Variants in DLGAP4 observed in about 807,000 individuals in gnomAD.
DLGAP4 encodes the protein disks large-associated protein 4.
Under a neutral mutation model 86.9 loss-of-function variants are expected in DLGAP4, and 18 were observed. The ratio of observed to expected loss-of-function variants is 0.21; its 90% CI spans 0.14 to 0.31. The LOEUF (loss-of-function observed/expected upper bound fraction) is 0.31. DLGAP4 is among the 10% of genes least tolerant of loss of function. The probability of loss-of-function intolerance (pLI) is 1.00; values close to 1 mark genes in which losing one functional copy is unlikely to be tolerated. For synonymous variants in DLGAP4, 548 were observed against 574.3 expected, an observed-to-expected ratio of 0.95 and a Z score of 0.65; for missense variants, 1,085 against 1,362.6, an observed-to-expected ratio of 0.80 and a Z score of 3.21.
rs2065002116 is a variant in DLGAP4 at position 36,306,350 on chromosome 20, T to A, written c.-466T>A. 1 of 149,318 alleles carries A rather than the reference T, an allele frequency of 6.7e-6. No homozygotes were observed. The highest frequency in any genetic ancestry group is 2.0e-4 in the South Asian group (1 of 4,922). The allele number at this position is 149,318 out of a possible 1,614,324, so 9.2% of individuals were successfully genotyped here. On this transcript the variant is annotated 5_prime_UTR_variant, in exon 1 of 13. Coordinates refer to ENST00000339266, the MANE Select transcript of DLGAP4 (RefSeq NM_001365621.2). This position sits in a 1 kb window ranked among gnomAD's most constrained non-coding sequence, Gnocchi z 4.9. ...CGGCTCCTCCTCCCGCAGCCGCATC[T>A]GGGGCGCCGCGCCGGCCGGAGGAGA...
chr20:36,310,399 GCATCCACT>G (rs1600389117), intron 1 of DLGAP4, among the ~76,000 whole-genome samples: 1 of 152,048 alleles, frequency 6.6e-6, no homozygotes, highest in Non-Finnish European at 1.5e-5. Context: ...GTCATGGTCG[GCATCCACT>G]CTTCTAGGAG....
chr20:36,470,075 C>T (rs2034592340), intron 7 of DLGAP4, among the ~76,000 whole-genome samples: 1 of 152,142 alleles, frequency 6.6e-6, no homozygotes, highest in African/African-American at 2.4e-5. Flanking sequence ...CCTTCCTTTC[C>T]CATGAGTAGG....
In DLGAP4 at chr20:36,431,871, C is replaced by G. The variant is rs757317529; in HGVS notation, c.154C>G (p.Leu52Val). The G allele has an allele frequency of 1.9e-6, 3 of 1,614,020 alleles. No homozygotes were observed. The highest frequency in any genetic ancestry group is 2.7e-5 in the African/African-American group (2 of 74,940). Residue 52 changes from leucine to valine, a missense_variant, in exon 3 of 13, where the codon CTG becomes GTG. Physicochemically the swap from Leu to Val is conservative, Grantham distance 32. Around this residue, in one of 2 missense-constraint regions of DLGAP4, gnomAD observed 1,082 missense variants for 1,344.1 expected, o/e 0.81. Transcript: ENST00000339266. The surrounding 1 kb of genome is among the most constrained non-coding windows in gnomAD (Gnocchi z 5.1). ...REARFPGQNT[L>V]PGDGLFPLNN... ...GGCCCGCTTCCCCGGGCAGAACACC[C>G]TGCCAGGAGATGGCCTCTTTCCCCT...
At chr20:36,458,737 CA>C (rs1483875872) in intron 7 of DLGAP4, among the ~76,000 whole-genome samples, 35 of 152,186 alleles carry the variant, frequency 2.3e-4, no homozygotes, top group African/African-American at 7.7e-4. Context: ...AAAGACTACT[CA>C]GGGGGCTGCA....
At chr20:36,408,111 T>A (rs2032379056) in intron 2 of DLGAP4, among the ~76,000 whole-genome samples, 1 of 151,744 alleles carries the variant, frequency 6.6e-6, no homozygotes. Flanking sequence ...CTGGGCAAGG[T>A]CAGACTTAGG....
intron 1 of DLGAP4, among the ~76,000 whole-genome samples, chr20:36,323,538 A>G (rs1002204132): frequency 2.0e-5 from 3 of 152,250 alleles, no homozygotes; most frequent in Non-Finnish European, 4.4e-5. Flanking sequence ...GTTTTTGACT[A>G]TATGGATAGT....
At chr20:36,414,007 C>T (rs2032581940) in intron 2 of DLGAP4, among the ~76,000 whole-genome samples, 1 of 152,186 alleles carries the variant, frequency 6.6e-6, no homozygotes, top group Admixed American at 6.5e-5. Context: ...CAGACCTGTT[C>T]TCTTCCCCCT....
At chr20:36,517,456 G>A (rs2037114697) in intron 10 of DLGAP4, among the ~76,000 whole-genome samples, 1 of 152,020 alleles carries the variant, frequency 6.6e-6, no homozygotes, top group Non-Finnish European at 1.5e-5. Context: ...TAGTAGAGAT[G>A]AGGTTTCAAC....
At chr20:36,503,591 C>A (rs2036239857) in intron 10 of DLGAP4, among the ~76,000 whole-genome samples, 1 of 151,230 alleles carries the variant, frequency 6.6e-6, no homozygotes, top group African/African-American at 2.4e-5. Flanking sequence ...AGGTTCACGC[C>A]ATTCTCCTGC....
At chr20:36,323,614 A>G (rs2065190585) in intron 1 of DLGAP4, among the ~76,000 whole-genome samples, 1 of 152,148 alleles carries the variant, frequency 6.6e-6, no homozygotes, top group Non-Finnish European at 1.5e-5. Context: ...TTGGTTATAT[A>G]CCGAGTGGAG....
chr20:36,525,797 G>A, intron 11 of DLGAP4, 54 bp from the exon 12 acceptor site: 1 of 1,599,976 alleles, frequency 6.3e-7, no homozygotes, highest in Non-Finnish European at 8.5e-7. Flanking sequence ...GGGTTGGGGG[G>A]AGCAGGACAA....
At chr20:36,381,175 T>C (rs1303641445) in intron 2 of DLGAP4, among the ~76,000 whole-genome samples, 1 of 152,244 alleles carries the variant, frequency 6.6e-6, no homozygotes, top group South Asian at 2.1e-4. Context: ...CATTCATTCA[T>C]TCAGCAAGCA....
At chr20:36,368,774 T>G (rs1181120327) in intron 2 of DLGAP4, among the ~76,000 whole-genome samples, 2 of 152,260 alleles carry the variant, frequency 1.3e-5, no homozygotes, top group African/African-American at 4.8e-5. Flanking sequence ...CAGCAAGCAT[T>G]TCTTGAGCAA....
At chr20:36,474,748 G>C (rs1001451709) in intron 7 of DLGAP4, among the ~76,000 whole-genome samples, 3 of 152,160 alleles carry the variant, frequency 2.0e-5, no homozygotes, top group Admixed American at 2.0e-4. Context: ...TGGGAAGGGT[G>C]GGGGGTGGAG....
At chr20:36,451,348 CTTGA>C (rs1203987043) in intron 7 of DLGAP4, among the ~76,000 whole-genome samples, 1 of 152,106 alleles carries the variant, frequency 6.6e-6, no homozygotes, top group Non-Finnish European at 1.5e-5. Context: ...TACCTGGTAT[CTTGA>C]TTGATTGATT....
At chr20:36,351,035 C>T (rs782423176) in intron 1 of DLGAP4, among the ~76,000 whole-genome samples, 8 of 152,256 alleles carry the variant, frequency 5.3e-5, no homozygotes, top group Admixed American at 2.6e-4. Flanking sequence ...GCCTGCCCTC[C>T]GGCGAGTGAC....
chr20:36,511,812 T>C (rs1747221026), intron 10 of DLGAP4, among the ~76,000 whole-genome samples: 1 of 148,942 alleles, frequency 6.7e-6, no homozygotes, highest in Non-Finnish European at 1.5e-5. Context: ...GAGGTGGAGG[T>C]TGCGGTGAGC....
chr20:36,496,822 A>G lies in DLGAP4; in HGVS notation c.1766A>G (p.Tyr589Cys). Reference sequence around the variant, plus strand: ...AGTACTGAGTCTGCCCAGGACACCTACCTGGACAGCCAGGACCACAAGAGC... The same window carrying G: ...AGTACTGAGTCTGCCCAGGACACCTGCCTGGACAGCCAGGACCACAAGAGC... Reference protein sequence around the residue: ...QSSTESAQDTYLDSQDHKSEV... With the variant: ...QSSTESAQDTCLDSQDHKSEV... The change falls in exon 8 of 13, where the codon TAC becomes TGC. Residue 589 changes from tyrosine to cysteine, a missense_variant. By Grantham distance (194) the Tyr-to-Cys change is radical (BLOSUM62 -2). This residue lies in a region of DLGAP4 where 1,082 missense variants were observed against 1,344.1 expected (regional missense o/e 0.81). Transcript: ENST00000339266. 6.2e-7 allele frequency: 1 copy of G among 1,614,162 alleles called. No homozygotes were observed. The highest frequency in any genetic ancestry group is 8.5e-7 in the Non-Finnish European group (1 of 1,180,022).
chr20:36,485,403 C>T (rs1042730741), intron 7 of DLGAP4, among the ~76,000 whole-genome samples: 5 of 151,538 alleles, frequency 3.3e-5, no homozygotes, highest in African/African-American at 4.9e-5. Context: ...ATTTTAAAAT[C>T]CAGATTTCTG....
Sources: allele counts gnomAD v4.1 joint callset (sites outside exome capture counted in the v4.1 genomes callset), GRCh38; gene constraint gnomAD v4.1.1; regional missense constraint gnomAD v4.1.1; non-coding constraint Gnocchi (gnomAD v3.1); transcripts MANE v1.5; gene names NCBI Gene and HGNC (gene_info 2026-07-23, HGNC 2026-07-21).